The following LRP6 variants were observed in gnomAD, a reference collection of about 807,000 sequenced individuals.
The protein encoded by LRP6 is LDL receptor related protein 6.
Under a neutral mutation model 184.1 loss-of-function variants are expected in LRP6, and 43 were observed. The observed-to-expected ratio is 0.23, with a 90% confidence interval of 0.18 to 0.30. The LOEUF (loss-of-function observed/expected upper bound fraction) is 0.30, where lower values mean the gene tolerates loss of function less well. Among genes scored for constraint, LRP6 ranks in the 10% least tolerant of loss-of-function variants. The probability of loss-of-function intolerance (pLI) is 1.00; values close to 1 mark genes in which losing one functional copy is unlikely to be tolerated. For synonymous variants in LRP6, 719 were observed against 684.9 expected (o/e 1.05, Z -0.78); for missense variants, 1,571 against 2,005.3 (o/e 0.78, Z 4.14).
At chr12:12,241,472 A>G (rs1471392953) in intron 2 of LRP6, among the ~76,000 whole-genome samples, 1 of 152,232 alleles carries the variant, frequency 6.6e-6, no homozygotes, top group Non-Finnish European at 1.5e-5. Context: ...AATTTTAAAT[A>G]CGCTCCATCA....
chr12:12,256,519 C>T (rs1480417894), intron 1 of LRP6, among the ~76,000 whole-genome samples: 1 of 150,946 alleles, frequency 6.6e-6, no homozygotes. Flanking sequence ...AACAAACAAA[C>T]AAACATAGGC....
chr12:12,178,393 C>T (rs11054721), intron 7 of LRP6, among the ~76,000 whole-genome samples: 68,492 of 151,944 alleles, frequency 0.45, 18,112 homozygotes, highest in East Asian at 0.77. Context: ...AAACCAAATA[C>T]GGAATTTTAA....
At chr12:12,164,919 T>TAAAAAAAAAAAAAATAAAAAAAAAAAA (rs1862833791) in intron 8 of LRP6, among the ~76,000 whole-genome samples, 160 bp downstream of exon 8, 1 of 57,076 alleles carries the variant, frequency 1.8e-5, no homozygotes, top group Non-Finnish European at 3.6e-5. Flanking sequence ...CCCTTCTCAG[T>TAAAAAAAAAAAAAATAAAAAAAAAAAA]AAAAAAAAAA....
At chr12:12,221,730 A>C (rs987871431) in intron 2 of LRP6, among the ~76,000 whole-genome samples, 2 of 152,194 alleles carry the variant, frequency 1.3e-5, no homozygotes, top group African/African-American at 4.8e-5. Flanking sequence ...ATAGCATTCT[A>C]TTCTTGCACA....
intron 6 of LRP6, 135 bp from the exon 7 acceptor site, chr12:12,180,116 CAT>C: frequency 1.5e-6 from 1 of 669,588 alleles, no homozygotes; most frequent in South Asian, 1.8e-5. Context: ...AAAAAAAAAA[CAT>C]ATGAAGAGGT....
intron 2 of LRP6, among the ~76,000 whole-genome samples, chr12:12,214,034 T>G (rs981384536): frequency 2.1e-4 from 32 of 152,144 alleles, no homozygotes; most frequent in Admixed American, 1.9e-3. Context: ...TCTTCATATT[T>G]ATCATCTTCT....
intron 15 of LRP6, among the ~76,000 whole-genome samples, chr12:12,141,351 C>T (rs1276310913): frequency 2.0e-5 from 3 of 152,122 alleles, no homozygotes; most frequent in African/African-American, 7.2e-5. Flanking sequence ...AAATCACAGT[C>T]ACATCAAACT....
intron 1 of LRP6, among the ~76,000 whole-genome samples, chr12:12,254,298 G>A (rs10845499): frequency 0.13 from 20,013 of 152,060 alleles, 1,730 homozygotes; most frequent in African/African-American, 0.24. Context: ...AAAAACAGAT[G>A]GGTTCGTGAG....
chr12:12,157,188 T>C (rs1862610210), intron 12 of LRP6, among the ~76,000 whole-genome samples: 1 of 152,194 alleles, frequency 6.6e-6, no homozygotes, highest in Non-Finnish European at 1.5e-5. Context: ...TCTTCTCCGA[T>C]GATAGTCCAT....
At chr12:12,212,849 T>C (rs964029519) in intron 2 of LRP6, among the ~76,000 whole-genome samples, 113 of 152,220 alleles carry the variant, frequency 7.4e-4, no homozygotes, top group African/African-American at 2.6e-3. Flanking sequence ...GAGGAAAATT[T>C]TGTCCTTGAC....
intron 2 of LRP6, among the ~76,000 whole-genome samples, chr12:12,211,787 TAACATTGGTA>T (rs1390864306): frequency 1.3e-5 from 2 of 152,148 alleles, no homozygotes; most frequent in African/African-American, 4.8e-5. Context: ...AATTCAGAAA[TAACATTGGTA>T]AACCACTACT....
chr12:12,246,615 T>C (rs572756376), intron 1 of LRP6, among the ~76,000 whole-genome samples: 1 of 151,488 alleles, frequency 6.6e-6, no homozygotes, highest in African/African-American at 2.4e-5. Context: ...GAGGGTCACT[T>C]GAGCCCAGGA....
At chr12:12,259,205 G>A (rs1048763994) in intron 1 of LRP6, among the ~76,000 whole-genome samples, 1 of 150,042 alleles carries the variant, frequency 6.7e-6, no homozygotes, top group African/African-American at 2.5e-5. Flanking sequence ...AGATGTCACA[G>A]TGAGCCAAGA....
rs35705276 is a variant in LRP6 at position 12,131,097 on chromosome 12, A to ATTTTTTTTTTTT, written c.3971-216_3971-205dup. ...AAAATCCAGCAGGAAATTTCCTAACATTTTTTTTTTTTTTTTTTTTTTTTT... is the reference window on the plus strand; with the variant it reads ...AAAATCCAGCAGGAAATTTCCTAACATTTTTTTTTTTTTTTTTTTTTTTTTTTTTTTTTTTTT... On this transcript the variant is annotated intron_variant, in intron 18 of 22. Coordinates refer to ENST00000261349, the MANE Select transcript of LRP6 (RefSeq NM_002336.3). Among the ~76,000 whole-genome samples, 17 of 78,196 alleles carry ATTTTTTTTTTTT rather than the reference A, an allele frequency of 2.2e-4. 1 individual carries two copies. The highest frequency in any genetic ancestry group is 6.8e-4 in the African/African-American group (17 of 25,104). 51.3% of individuals were successfully genotyped at this position (78,196 alleles called of 152,430 possible). A position where few individuals can be genotyped will look rare whatever the true frequency, so the allele number is the denominator to read the frequency against.
chr12:12,121,615 A>T (rs1391711027), intron 22 of LRP6, among the ~76,000 whole-genome samples, 195 bp from the exon 23 acceptor site: 1 of 152,176 alleles, frequency 6.6e-6, no homozygotes, highest in Non-Finnish European at 1.5e-5. Context: ...CTTATTTGCA[A>T]ATAAGAAAGT....
At chr12:12,164,085 G>T (rs1376516320) in intron 9 of LRP6, among the ~76,000 whole-genome samples, 188 bp downstream of exon 9, 1 of 150,502 alleles carries the variant, frequency 6.6e-6, no homozygotes, top group Non-Finnish European at 1.5e-5. Context: ...AGCCGAGACT[G>T]CACCACTGCA....
At chr12:12,137,336 A>G (rs1437804300) in intron 16 of LRP6, among the ~76,000 whole-genome samples, 1 of 152,174 alleles carries the variant, frequency 6.6e-6, no homozygotes, top group Non-Finnish European at 1.5e-5. Context: ...ATTCCTCTCT[A>G]TGATTAGGGT....
intron 5 of LRP6, 78 bp downstream of exon 5, chr12:12,183,902 G>T (rs1863403568): frequency 6.8e-6 from 9 of 1,329,252 alleles, no homozygotes; most frequent in African/African-American, 1.5e-5. Flanking sequence ...ATAACCTAGA[G>T]AGCTGATTAT....
intron 12 of LRP6, among the ~76,000 whole-genome samples, chr12:12,154,094 G>C (rs1050924918): frequency 6.6e-6 from 1 of 152,134 alleles, no homozygotes; most frequent in Non-Finnish European, 1.5e-5. Flanking sequence ...GGCCACTTCA[G>C]TACTGAATAA....
Sources: allele counts gnomAD v4.1 joint callset (sites outside exome capture counted in the v4.1 genomes callset), GRCh38; gene constraint gnomAD v4.1.1; transcripts MANE v1.5; gene names NCBI Gene and HGNC (gene_info 2026-07-23, HGNC 2026-07-21).